The following MAP4 variants were observed in gnomAD, a reference collection of about 807,000 sequenced individuals.
MAP4 encodes the protein microtubule associated protein 4, also known as microtubule-associated protein 4.
Under a neutral mutation model 170.2 loss-of-function variants are expected in MAP4, and 76 were observed. The observed-to-expected ratio is 0.45, with a 90% CI of 0.37 to 0.54. The LOEUF (loss-of-function observed/expected upper bound fraction) is 0.54, where lower values mean the gene tolerates loss of function less well. Among genes scored for constraint, MAP4 ranks in the 20% least tolerant of loss-of-function variants. The pLI, the probability that MAP4 is intolerant of heterozygous loss-of-function variation, is 0.00. For synonymous variants in MAP4, 909 were observed against 994.5 expected (o/e 0.91, Z 1.62); for missense variants, 2,506 against 2,748.0 (o/e 0.91, Z 1.97).
chr3:48,046,767 T>C (rs1045783510), intron 1 of MAP4, among the ~76,000 whole-genome samples: 1 of 152,220 alleles, frequency 6.6e-6, no homozygotes, highest in Non-Finnish European at 1.5e-5. Context: ...GGGCAAGGTA[T>C]GTAATCTCTC....
intron 10 of MAP4, among the ~76,000 whole-genome samples, chr3:47,893,976 C>T (rs553789110): frequency 6.6e-6 from 1 of 151,968 alleles, no homozygotes; most frequent in African/African-American, 2.4e-5. Flanking sequence ...AAGTTCCCAA[C>T]AAGAGTACAG....
chr3:48,038,367 T>A (rs2100119896), intron 1 of MAP4, among the ~76,000 whole-genome samples: 1 of 152,054 alleles, frequency 6.6e-6, no homozygotes, highest in Non-Finnish European at 1.5e-5. Context: ...AAAAAAAATT[T>A]ATATTATGAT....
intron 2 of MAP4, among the ~76,000 whole-genome samples, chr3:47,994,656 C>T (rs2100094331): frequency 6.6e-6 from 1 of 152,180 alleles, no homozygotes. Context: ...TAAATCCTCC[C>T]TGCTACTTTT....
Position 47,912,269 on chromosome 3 carries a change from G to A in MAP4, c.2152C>T (p.His718Tyr). Residue 718 changes from histidine to tyrosine, a missense_variant, in exon 9 of 21, where the codon CAC (histidine) becomes TAC (tyrosine). Physicochemically the swap from His to Tyr is moderately conservative, Grantham distance 83 (BLOSUM62 2). This residue lies in a region of MAP4 where 2,008 missense variants were observed against 2,206.0 expected (regional missense o/e 0.91). Transcript: ENST00000683076. ...PWKTLDHRLG[H>Y]CSLSESGWVS... ...CAACCTGACTCAGACAAAGAGCAGT[G>A]GCCCAGCCTGTGATCAAGAGTCTTC... 6.5e-7 allele frequency: 1 copy of A among 1,536,114 alleles called. No homozygotes were observed. The highest frequency in any genetic ancestry group is 8.7e-7 in the Non-Finnish European group (1 of 1,146,910).
In MAP4 at chr3:47,851,246, A is replaced by T. The variant is rs929720920; in HGVS notation, c.*1688T>A. On this transcript the variant is annotated 3_prime_UTR_variant, in exon 21 of 21. Transcript: ENST00000683076. ...TGGCCCAGGCAGCACTTCCTCCGTG[A>T]GCCCCTGCAGTTTCCTGGTGTGTGC... The T allele has an allele frequency of 1.1e-4, 17 of 152,262 alleles. No homozygotes were observed. The highest frequency in any genetic ancestry group is 4.1e-4 in the African/African-American group (17 of 41,450). The allele number at this position is 152,262 out of a possible 1,614,324, so 9.4% of individuals were successfully genotyped here. A position where few individuals can be genotyped will look rare whatever the true frequency, so the allele number is the denominator to read the frequency against.
chr3:48,086,413 C>T (rs2100149062), intron 1 of MAP4, among the ~76,000 whole-genome samples: 2 of 152,122 alleles, frequency 1.3e-5, no homozygotes, highest in African/African-American at 4.8e-5. Context: ...CCAAAGCAGG[C>T]GGATCACTTG....
chr3:48,076,694 C>T (rs975836002), intron 1 of MAP4, among the ~76,000 whole-genome samples: 7 of 151,500 alleles, frequency 4.6e-5, no homozygotes, highest in Non-Finnish European at 7.4e-5. Flanking sequence ...GAAGAAAGAA[C>T]GAACGAACGA....
intron 17 of MAP4, among the ~76,000 whole-genome samples, chr3:47,866,624 A>T (rs1407059074): frequency 6.6e-6 from 1 of 150,424 alleles, no homozygotes; most frequent in Non-Finnish European, 1.5e-5. Context: ...CATGGTGGCG[A>T]GTACCTGCAG....
At chr3:47,892,522 G>A (rs987421908) in intron 10 of MAP4, 21 of 1,485,792 alleles carry the variant, frequency 1.4e-5, no homozygotes, top group Middle Eastern at 3.7e-4. Context: ...CCCTGCTTTC[G>A]CTCCTGGAGC....
At chr3:48,074,846 G>T (rs2100143054) in intron 1 of MAP4, among the ~76,000 whole-genome samples, 1 of 151,482 alleles carries the variant, frequency 6.6e-6, no homozygotes, top group Non-Finnish European at 1.5e-5. Flanking sequence ...AAATATTCTT[G>T]AAAGAAATTA....
intron 12 of MAP4, among the ~76,000 whole-genome samples, chr3:47,874,988 CT>C (rs984953858): frequency 3.9e-5 from 6 of 152,204 alleles, no homozygotes; most frequent in African/African-American, 1.4e-4. Context: ...TCCTCTCCTC[CT>C]GGAGCAATTC....
Position 47,855,464 on chromosome 3 carries a change from C to T in MAP4, c.6584-104G>A. The stretch of plus-strand genomic sequence containing the variant: ...CAATCTAGAAATGAGACAGACGTGA[C>T]CTGTTCTGGGTGGCAAATGAAGAAC... On this transcript the variant is annotated intron_variant, in intron 18 of 20. Transcript: ENST00000683076. This position sits in a 1 kb window ranked among gnomAD's most constrained non-coding sequence, Gnocchi z 5.1. The T allele has an allele frequency of 1.3e-6, 1 of 756,990 alleles. No homozygotes were observed. The highest frequency in any genetic ancestry group is 1.5e-5 in the South Asian group (1 of 67,190). The allele number at this position is 756,990 out of a possible 1,614,324, so 46.9% of individuals were successfully genotyped here.
In MAP4 at chr3:47,916,183, C is replaced by A; in HGVS notation, c.1644G>T (p.Gln548His). The A allele has an allele frequency of 6.2e-7, 1 of 1,614,204 alleles. No homozygotes were observed. The highest frequency in any genetic ancestry group is 8.5e-7 in the Non-Finnish European group (1 of 1,180,046). ...GTGCTTCTGTTTTGAGGGCTGGGAC[C>A]TGATCCTCAGTCAGGGCCACCTCCA... is the stretch of plus-strand genomic sequence containing the variant. ...PEMEVALTED[Q>H]VPALKTEAPL... The change falls in exon 7 of 21, where the codon CAG becomes CAT. Residue 548 changes from glutamine to histidine, a missense_variant. This residue lies in a region of MAP4 where 2,008 missense variants were observed against 2,206.0 expected (regional missense o/e 0.91). Transcript: ENST00000683076.
intron 3 of MAP4, among the ~76,000 whole-genome samples, chr3:47,976,960 A>G (rs1223488557): frequency 2.0e-5 from 3 of 152,234 alleles, no homozygotes; most frequent in Non-Finnish European, 4.4e-5. Context: ...GGTGCCTCAC[A>G]GAAGGGCTTC....
intron 3 of MAP4, among the ~76,000 whole-genome samples, chr3:47,957,169 C>T (rs772793852): frequency 3.9e-5 from 6 of 152,036 alleles, no homozygotes; most frequent in Admixed American, 6.6e-5. Context: ...CACAGTGTTG[C>T]GGCTGCTTCT....
At chr3:48,003,879 T>C (rs1283026509) in intron 1 of MAP4, among the ~76,000 whole-genome samples, 1 of 152,102 alleles carries the variant, frequency 6.6e-6, no homozygotes, top group African/African-American at 2.4e-5. Context: ...CAGAAAAATA[T>C]GAAGAGGCAA....
chr3:48,058,599 CG>C (rs1238845736), intron 1 of MAP4, among the ~76,000 whole-genome samples: 1 of 151,922 alleles, frequency 6.6e-6, no homozygotes, highest in African/African-American at 2.4e-5. Flanking sequence ...AACTGGCATT[CG>C]GTAACAAGAA....
intron 2 of MAP4, among the ~76,000 whole-genome samples, chr3:47,980,802 C>A (rs939122993): frequency 1.3e-5 from 2 of 152,122 alleles, no homozygotes; most frequent in African/African-American, 4.8e-5. Context: ...ATTTATTCTT[C>A]CTCGCTCAAG....
rs576124386 is a variant in MAP4 at position 47,864,693 on chromosome 3, C to A, written c.6501+2553G>T. On this transcript the variant is annotated intron_variant, in intron 17 of 20. Coordinates refer to ENST00000683076, the MANE Select transcript of MAP4 (RefSeq NM_001385682.1). Reference sequence around the variant, plus strand: ...CTCCGTCTCAAAAATAAAATAATAACATAACATAACATAAAATACAAAAAT... The same window carrying A: ...CTCCGTCTCAAAAATAAAATAATAAAATAACATAACATAAAATACAAAAAT... 2.0e-5 allele frequency among the ~76,000 whole-genome samples: 3 copies of A among 152,008 alleles called. No individual in the cohort carries two copies. In the East Asian group the frequency reaches 5.8e-4, roughly 29 times the overall value.
Sources: allele counts gnomAD v4.1 joint callset (sites outside exome capture counted in the v4.1 genomes callset), GRCh38; gene constraint gnomAD v4.1.1; regional missense constraint gnomAD v4.1.1; non-coding constraint Gnocchi (gnomAD v3.1); transcripts MANE v1.5; gene names NCBI Gene and HGNC (gene_info 2026-07-23, HGNC 2026-07-21).